RBBP7: variants seen among roughly 807,000 people sequenced by gnomAD.
RBBP7 encodes histone-binding protein RBBP7.
A neutral mutation model predicts 35.2 loss-of-function variants in RBBP7; 5 were observed. The ratio of observed to expected loss-of-function variants is 0.14; its 90% CI spans 0.07 to 0.30. The LOEUF (loss-of-function observed/expected upper bound fraction) is 0.30, where lower values mean the gene tolerates loss of function less well. Among genes scored for constraint, RBBP7 ranks in the 10% least tolerant of loss-of-function variants. The probability of loss-of-function intolerance (pLI) is 1.00; values close to 1 mark genes in which losing one functional copy is unlikely to be tolerated. For missense variants in RBBP7, 155 were observed against 327.5 expected (o/e 0.47, Z 4.07); for synonymous variants, 140 against 118.7 (o/e 1.18, Z -1.17).
In RBBP7 at chrX:16,870,145, G is replaced by A; in HGVS notation, c.-92C>T. On this transcript the variant is annotated 5_prime_UTR_variant, in exon 1 of 12. Transcript: ENST00000380087. Reference sequence around the variant, plus strand: ...CCGCTGGCGCTCCTGCCTTTCCCAAGCGCGTCACACTCCCCACTGTCGAAA... The same window carrying A: ...CCGCTGGCGCTCCTGCCTTTCCCAAACGCGTCACACTCCCCACTGTCGAAA... The A allele has an allele frequency of 1.0e-6, 1 of 997,377 alleles. No homozygotes were observed. Among genetic ancestry groups the A allele is most frequent in the Non-Finnish European group, 1.3e-6 (1 of 776,485 alleles). The allele number at this position is 997,377 out of a possible 1,213,427, so 82.2% of individuals were successfully genotyped here. A position where few individuals can be genotyped will look rare whatever the true frequency, so the allele number is the denominator to read the frequency against.
chrX:16,865,062 T>C (rs1349901159), intron 2 of RBBP7, among the ~76,000 whole-genome samples: 1 of 11,722 alleles, frequency 8.5e-5, no homozygotes, highest in Non-Finnish European at 1.1e-4. Context: ...AGACCCTGTC[T>C]CAAAAAAAAA....
chrX:16,849,445 G>GT (rs1040206442), intron 9 of RBBP7, 144 bp from the exon 10 acceptor site: 8,206 of 421,432 alleles, frequency 0.019, no homozygotes, highest in East Asian at 0.023. Flanking sequence ...AATCAATTAG[G>GT]TTTTTTTTTT....
At position 16,845,027 on chromosome X, in the gene RBBP7, C is replaced by T. The variant is rs1930037477; in HGVS notation, c.*8G>A. On this transcript the variant is annotated 3_prime_UTR_variant, in exon 12 of 12. Transcript: ENST00000380087. ...ACATTCAACAGAAACATTTCTCGTA[C>T]TTTGGGTTTAAGATCCTTGTCCCTC... 1.7e-6 allele frequency: 2 copies of T among 1,198,531 alleles called. No individual in the cohort carries two copies. The highest frequency in any genetic ancestry group is 2.2e-5 in the Admixed American group (1 of 45,463).
chrX:16,854,622 C>G (rs763711899), intron 5 of RBBP7, among the ~76,000 whole-genome samples: 7 of 110,918 alleles, frequency 6.3e-5, no homozygotes, highest in Admixed American at 1.9e-4. Flanking sequence ...CAGAAACCAC[C>G]ACAGACATCA....
intron 10 of RBBP7, chrX:16,848,327 C>T (rs193137113): frequency 1.8e-5 from 2 of 111,792 alleles, no homozygotes; most frequent in African/African-American, 6.5e-5. Context: ...CTGAACTGTA[C>T]ACTTTAAAGA....
intron 9 of RBBP7, among the ~76,000 whole-genome samples, chrX:16,850,854 T>C (rs1431348334): frequency 3.6e-5 from 4 of 112,369 alleles, no homozygotes; most frequent in Non-Finnish European, 7.5e-5. Flanking sequence ...ATCCCAGCAC[T>C]TTGGGAGGCC....
At chrX:16,866,946 T>C (rs1930638705) in intron 2 of RBBP7, among the ~76,000 whole-genome samples, 2 of 111,939 alleles carry the variant, frequency 1.8e-5, no homozygotes, top group South Asian at 7.3e-4. Flanking sequence ...AACACCATGA[T>C]ACACATTAAA....
At chrX:16,849,955 T>C (rs1318469627) in intron 9 of RBBP7, among the ~76,000 whole-genome samples, 1 of 112,158 alleles carries the variant, frequency 8.9e-6, no homozygotes, top group Admixed American at 9.5e-5. Flanking sequence ...TTTGTAGAAT[T>C]TGCCAGTGCT....
chrX:16,870,156 TC>T lies in RBBP7; in HGVS notation c.-104del. On this transcript the variant is annotated 5_prime_UTR_variant, in exon 1 of 12. The change abolishes the stop of an existing upstream ORF in the 5' untranslated region. Transcript: ENST00000380087. ...CCTGCCTTTCCCAAGCGCGTCACACTCCCCACTGTCGAAAGCCCGGGCCCCG... is the reference window on the plus strand; with the variant it reads ...CCTGCCTTTCCCAAGCGCGTCACACTCCCACTGTCGAAAGCCCGGGCCCCG... 2 of 962,335 alleles carry T rather than the reference TC, an allele frequency of 2.1e-6. No homozygotes were observed. The highest frequency in any genetic ancestry group is 2.6e-6 in the Non-Finnish European group (2 of 755,354). 79.3% of individuals were successfully genotyped at this position (962,335 alleles called of 1,213,427 possible).
chrX:16,852,879 A>G lies in RBBP7; in HGVS notation c.759-4T>C. The G allele has an allele frequency of 8.3e-7, 1 of 1,211,411 alleles. No homozygotes were observed. The highest frequency in any genetic ancestry group is 1.1e-6 in the Non-Finnish European group (1 of 895,464). The stretch of plus-strand genomic sequence containing the variant: ...GGTATTGGACCTGGTGTCCCATCTA[A>G]AACACAAAGGTAAAGGCACACGGCA... On this transcript the variant is annotated splice_region_variant and splice_polypyrimidine_tract_variant and intron_variant, in intron 6 of 11. Coordinates refer to ENST00000380087, the MANE Select transcript of RBBP7 (RefSeq NM_002893.4).
chrX:16,859,231 A>G (rs1162068758), intron 3 of RBBP7, among the ~76,000 whole-genome samples: 4 of 112,589 alleles, frequency 3.6e-5, no homozygotes, highest in Non-Finnish European at 7.5e-5. Context: ...GCACTGAATT[A>G]GCATCTTATT....
intron 10 of RBBP7, chrX:16,846,650 TTA>T (rs1930085328): frequency 8.9e-6 from 1 of 112,295 alleles, no homozygotes; most frequent in African/African-American, 3.2e-5. Context: ...CCTTATTTTT[TTA>T]TCTTAGAATT....
rs946110518 is a variant in RBBP7, at chrX:16,851,982, A to C, written c.1040+64T>G. ...ACCAAATTGCTTTTCTAGTTTATGAATGACTATGTAACTTGCCAGATAGGC... is the reference window on the plus strand; with the variant it reads ...ACCAAATTGCTTTTCTAGTTTATGACTGACTATGTAACTTGCCAGATAGGC... On this transcript the variant is annotated intron_variant, in intron 9 of 11. Transcript: ENST00000380087. 8 of 970,902 alleles carry C rather than the reference A, an allele frequency of 8.2e-6. No individual in the cohort carries two copies. The African/African-American group carries it at 1.5e-4, about 19-fold the overall frequency. The allele number at this position is 970,902 out of a possible 1,213,427, so 80.0% of individuals were successfully genotyped here.
intron 5 of RBBP7, among the ~76,000 whole-genome samples, chrX:16,854,322 T>C (rs952154902): frequency 2.7e-5 from 3 of 111,344 alleles, no homozygotes; most frequent in Non-Finnish European, 5.7e-5. Flanking sequence ...AGCCTCCATG[T>C]GAGGTGCAGA....
chrX:16,855,008 T>C (rs1430689944), intron 5 of RBBP7, among the ~76,000 whole-genome samples: 1 of 104,531 alleles, frequency 9.6e-6, no homozygotes, highest in Non-Finnish European at 2.0e-5. Context: ...TTTTAATTCA[T>C]AGCACGTGAT....
At chrX:16,853,903 T>G (rs1930277625) in intron 5 of RBBP7, 61 bp from the exon 6 acceptor site, 2 of 937,497 alleles carry the variant, frequency 2.1e-6, no homozygotes, top group Non-Finnish European at 2.8e-6. Context: ...TTTTTTTTTT[T>G]TTCCCTCGAG....
In RBBP7 at chrX:16,870,235, C is replaced by T. The variant is rs571312723; in HGVS notation, c.-182G>A. Reference sequence around the variant, plus strand: ...CCGCGTCCTTCTTTCCTGCCTCCTCCCCGCTCGCGGGTACCGAGGTCTGAG... The same window carrying T: ...CCGCGTCCTTCTTTCCTGCCTCCTCTCCGCTCGCGGGTACCGAGGTCTGAG... On this transcript the variant is annotated 5_prime_UTR_variant, in exon 1 of 12. Coordinates refer to ENST00000380087, the MANE Select transcript of RBBP7 (RefSeq NM_002893.4). 136 of 611,348 alleles carry T rather than the reference C, an allele frequency of 2.2e-4. 3 individuals carry two copies. In the South Asian group the frequency reaches 8.3e-3, roughly 37 times the overall value. The allele number at this position is 611,348 out of a possible 1,213,427, so 50.4% of individuals were successfully genotyped here.
chrX:16,855,122 G>A (rs149736792), intron 5 of RBBP7, among the ~76,000 whole-genome samples: 1,842 of 106,950 alleles, frequency 0.017, 40 homozygotes, highest in African/African-American at 0.06. Flanking sequence ...CAATTTTGGC[G>A]CACTACAACC....
rs1397011031 is a variant in RBBP7, at chrX:16,864,491, C to T, written c.162-1391G>A. ...TCAAGATCTCAAGATCACACCATTG[C>T]ACTCCAGCCTGGGCAACGAGTGAAA... On this transcript the variant is annotated intron_variant, in intron 2 of 11. Coordinates refer to ENST00000380087, the MANE Select transcript of RBBP7 (RefSeq NM_002893.4). 3.1e-5 allele frequency among the ~76,000 whole-genome samples: 3 copies of T among 96,313 alleles called. No homozygotes were observed. In the Admixed American group the frequency reaches 3.5e-4, roughly 11 times the overall value. The allele number at this position is 96,313 out of a possible 115,157, so 83.6% of individuals were successfully genotyped here.
Sources: allele counts gnomAD v4.1 joint callset (sites outside exome capture counted in the v4.1 genomes callset), GRCh38; gene constraint gnomAD v4.1.1; transcripts MANE v1.5; gene names NCBI Gene and HGNC (gene_info 2026-07-23, HGNC 2026-07-21).